EPB41L1: variants seen among roughly 807,000 people sequenced by gnomAD.
EPB41L1 encodes erythrocyte membrane protein band 4.1 like 1.
A neutral mutation model predicts 97.8 loss-of-function variants in EPB41L1; 29 were observed. That is an observed-to-expected ratio of 0.30 (90% confidence interval 0.22 to 0.40). EPB41L1 has a LOEUF of 0.40. Among genes scored for constraint, EPB41L1 ranks in the 10% least tolerant of loss-of-function variants. The probability of loss-of-function intolerance (pLI) is 1.00; values close to 1 mark genes in which losing one functional copy is unlikely to be tolerated. For synonymous variants in EPB41L1, 383 were observed against 459.2 expected (o/e 0.83, Z 2.12); for missense variants, 812 against 1,162.3 (o/e 0.70, Z 4.38).
rs1294741418 is a variant in EPB41L1, at chr20:36,207,323, A to C, written c.1669-2165A>C. On this transcript the variant is annotated intron_variant, in intron 14 of 21. Coordinates refer to ENST00000338074, the MANE Select transcript of EPB41L1 (RefSeq NM_012156.2). This position sits in a 1 kb window ranked among gnomAD's most constrained non-coding sequence, Gnocchi z 4.9. ...AGCAGAAAGCCCAGAGTAGTCCCTG[A>C]AGAAGCTGAGGGGCGCATACCTCTG... is the stretch of plus-strand genomic sequence containing the variant. 1 of 1,285,704 alleles carries C rather than the reference A, an allele frequency of 7.8e-7. No homozygotes were observed. Among genetic ancestry groups the C allele is most frequent in the Non-Finnish European group, 1.0e-6 (1 of 986,252 alleles). The allele number at this position is 1,285,704 out of a possible 1,614,324, so 79.6% of individuals were successfully genotyped here.
intron 5 of EPB41L1, among the ~76,000 whole-genome samples, chr20:36,179,506 G>A (rs1199306804): frequency 6.6e-6 from 1 of 152,218 alleles, no homozygotes; most frequent in Non-Finnish European, 1.5e-5. Context: ...AGATGAGCAG[G>A]CCAACAACCT....
rs955304903 is a variant in EPB41L1, at chr20:36,207,793, G to T, written c.1669-1695G>T. 1.5e-5 allele frequency: 19 copies of T among 1,283,630 alleles called. No individual in the cohort carries two copies. Among genetic ancestry groups the T allele is most frequent in the Non-Finnish European group, 1.9e-5 (19 of 985,062 alleles). 79.5% of individuals were successfully genotyped at this position (1,283,630 alleles called of 1,614,324 possible). Reference sequence around the variant, plus strand: ...TACTGGAACTGGGGTAACTGGCCGCGTGAGCCCCCGCCCCCACCGCTGCTC... The same window carrying T: ...TACTGGAACTGGGGTAACTGGCCGCTTGAGCCCCCGCCCCCACCGCTGCTC... On this transcript the variant is annotated intron_variant, in intron 14 of 21. Transcript: ENST00000338074. This position sits in a 1 kb window ranked among gnomAD's most constrained non-coding sequence, Gnocchi z 4.9.
chr20:36,197,787 A>T, intron 13 of EPB41L1, 72 bp from the exon 14 acceptor site: 1 of 1,613,104 alleles, frequency 6.2e-7, no homozygotes, highest in South Asian at 1.1e-5. Flanking sequence ...GACTGCTGCC[A>T]TCATCCCTGC....
intron 2 of EPB41L1, among the ~76,000 whole-genome samples, chr20:36,115,942 G>A (rs2058572154): frequency 6.6e-6 from 1 of 152,184 alleles, no homozygotes; most frequent in Non-Finnish European, 1.5e-5. Flanking sequence ...AGTAGGTTCT[G>A]TTATTGTCCC....
rs1299116511 is a variant in EPB41L1 at position 36,206,188 on chromosome 20, C to T, written c.1669-3300C>T. The stretch of plus-strand genomic sequence containing the variant: ...CGGCCGCACATTGGCAGAAAAGCTC[C>T]TCGAGGGCTCTGAGCTCAGGGCAGA... On this transcript the variant is annotated intron_variant, in intron 14 of 21. Transcript: ENST00000338074. This position sits in a 1 kb window ranked among gnomAD's most constrained non-coding sequence, Gnocchi z 5.5. The T allele has an allele frequency of 7.8e-7, 1 of 1,289,878 alleles. No individual in the cohort carries two copies. The highest frequency in any genetic ancestry group is 1.2e-5 in the South Asian group (1 of 81,030). 79.9% of individuals were successfully genotyped at this position (1,289,878 alleles called of 1,614,324 possible). A position where few individuals can be genotyped will look rare whatever the true frequency, so the allele number is the denominator to read the frequency against.
At position 36,209,590 on chromosome 20, in the gene EPB41L1, A is replaced by G; in HGVS notation, c.1771A>G (p.Thr591Ala). Residue 591 changes from threonine (T) to alanine (A), a missense_variant, in exon 15 of 22, where the codon ACG (threonine) becomes GCG (alanine). Physicochemically the swap from Thr to Ala is moderately conservative, Grantham distance 58 (BLOSUM62 0). Transcript: ENST00000338074. This position sits in a 1 kb window ranked among gnomAD's most constrained non-coding sequence, Gnocchi z 4.2. Reference sequence around the variant, plus strand: ...TGAGGACCAGGACCAGGAGAGGGACACGGTGTTCCTGAAGGACAACCACCT... The same window carrying G: ...TGAGGACCAGGACCAGGAGAGGGACGCGGTGTTCCTGAAGGACAACCACCT... ...GDEDQDQERD[T>A]VFLKDNHLAI... is the part of the protein sequence containing the mutation. 1 of 1,614,158 alleles carries G rather than the reference A, an allele frequency of 6.2e-7. No individual in the cohort carries two copies. The highest frequency in any genetic ancestry group is 8.5e-7 in the Non-Finnish European group (1 of 1,180,024).
intron 1 of EPB41L1, among the ~76,000 whole-genome samples, chr20:36,101,722 A>G (rs573696715): frequency 6.6e-6 from 1 of 152,192 alleles, no homozygotes; most frequent in East Asian, 1.9e-4. Context: ...ATAAAACAAA[A>G]CAAAACCTGT....
At chr20:36,110,721 GACTATCC>G in intron 1 of EPB41L1, 2 of 152,076 alleles carry the variant, frequency 1.3e-5, no homozygotes, top group South Asian at 4.1e-4. Flanking sequence ...GAAATTTGAA[GACTATCC>G]ACACATATCT....
intron 1 of EPB41L1, among the ~76,000 whole-genome samples, chr20:36,172,889 C>T (rs558065103): frequency 7.9e-5 from 12 of 152,198 alleles, no homozygotes; most frequent in Admixed American, 2.6e-4. Context: ...CATGAGCCAC[C>T]GCGCCTGGCG....
intron 11 of EPB41L1, among the ~76,000 whole-genome samples, chr20:36,192,961 A>G (rs1334817299): frequency 1.3e-5 from 2 of 152,248 alleles, no homozygotes; most frequent in African/African-American, 4.8e-5. Flanking sequence ...GACCTGTCTC[A>G]GGACTCCTGT....
At chr20:36,123,275 T>C (rs928245833) in intron 2 of EPB41L1, among the ~76,000 whole-genome samples, 2 of 151,932 alleles carry the variant, frequency 1.3e-5, no homozygotes, top group Admixed American at 6.6e-5. Flanking sequence ...AGGGTCTAGT[T>C]TGGGGGAAGA....
intron 1 of EPB41L1, among the ~76,000 whole-genome samples, chr20:36,095,991 G>A (rs986724307): frequency 1.3e-5 from 2 of 150,878 alleles, no homozygotes; most frequent in African/African-American, 2.4e-5. Context: ...GCATCACTGC[G>A]CACCAGCCTG....
chr20:36,197,021 G>A lies in EPB41L1; in HGVS notation c.1486-838G>A, dbSNP rs117168899. Among the ~76,000 whole-genome samples, 6 of 152,300 alleles carry A rather than the reference G, an allele frequency of 3.9e-5. No individual in the cohort carries two copies. In the East Asian group the frequency reaches 1.2e-3, roughly 29 times the overall value. On this transcript the variant is annotated intron_variant, in intron 13 of 21. Transcript: ENST00000338074. The stretch of plus-strand genomic sequence containing the variant: ...GTGGGACTTACTGCTCTTCTTCCTG[G>A]TCTCTAATTCTCCTAATCTTCCTGA...
chr20:36,218,598 G>A (rs1006343734), intron 17 of EPB41L1, among the ~76,000 whole-genome samples: 7 of 152,176 alleles, frequency 4.6e-5, no homozygotes, highest in Non-Finnish European at 1.0e-4. Context: ...TAGTGCTTCC[G>A]GAGAACAATG....
rs1600872715 is a variant in EPB41L1 at position 36,195,455 on chromosome 20, C to T, written c.1485+91C>T. The T allele has an allele frequency of 1.4e-6, 2 of 1,453,090 alleles. No homozygotes were observed. Among genetic ancestry groups the T allele is most frequent in the Non-Finnish European group, 1.9e-6 (2 of 1,037,618 alleles). The allele number at this position is 1,453,090 out of a possible 1,614,324, so 90.0% of individuals were successfully genotyped here. A position where few individuals can be genotyped will look rare whatever the true frequency, so the allele number is the denominator to read the frequency against. ...CACAGTCCATCCCAGGCTCACTTCC[C>T]TGGCACCATCTCAGCTTCAACTTCA... On this transcript the variant is annotated intron_variant, in intron 13 of 21. Coordinates refer to ENST00000338074, the MANE Select transcript of EPB41L1 (RefSeq NM_012156.2). The surrounding 1 kb of genome is among the most constrained non-coding windows in gnomAD (Gnocchi z 4.6).
chr20:36,121,074 G>GAA (rs5841226), intron 2 of EPB41L1, among the ~76,000 whole-genome samples: 4,729 of 141,700 alleles, frequency 0.033, 142 homozygotes, highest in South Asian at 0.15. Flanking sequence ...TGTCTGACAT[G>GAA]AAAAAAAAAA....
At chr20:36,155,606 G>A (rs745829532) in intron 1 of EPB41L1, 2 of 456,582 alleles carry the variant, frequency 4.4e-6, no homozygotes, top group South Asian at 3.1e-5. Context: ...TGGGTGCAGA[G>A]GCCACTGACT....
chr20:36,180,608 GT>G, intron 5 of EPB41L1, among the ~76,000 whole-genome samples: 1 of 152,300 alleles, frequency 6.6e-6, no homozygotes, highest in African/African-American at 2.4e-5. Flanking sequence ...GGATTTGAAT[GT>G]TAACTCCACC....
chr20:36,206,356 C>A lies in EPB41L1; in HGVS notation c.1669-3132C>A. On this transcript the variant is annotated intron_variant, in intron 14 of 21. Transcript: ENST00000338074. This position sits in a 1 kb window ranked among gnomAD's most constrained non-coding sequence, Gnocchi z 5.5. The stretch of plus-strand genomic sequence containing the variant: ...GACCAGGCCAGCAGAGGTGGACGTC[C>A]TCTCTCCAGCCTCCGACAAGGGAGG... 1.6e-6 allele frequency: 2 copies of A among 1,289,950 alleles called. No individual in the cohort carries two copies. The highest frequency in any genetic ancestry group is 2.0e-6 in the Non-Finnish European group (2 of 988,908). 79.9% of individuals were successfully genotyped at this position (1,289,950 alleles called of 1,614,324 possible).
Sources: gnomAD v4.1 joint callset for allele counts (sites outside exome capture counted in the v4.1 genomes callset) on GRCh38, gnomAD v4.1.1 for gene constraint, Gnocchi (gnomAD v3.1) non-coding constraint, MANE v1.5 for transcripts, NCBI Gene and HGNC (gene_info 2026-07-23, HGNC 2026-07-21) for gene names.